The following DNAH1 variants were observed in gnomAD, a reference collection of about 807,000 sequenced individuals.
DNAH1 encodes the protein axonemal beta dynein heavy chain 1.
A neutral mutation model predicts 484.3 loss-of-function variants in DNAH1; 327 were observed. The observed-to-expected ratio is 0.68, with a 90% confidence interval of 0.62 to 0.74. The LOEUF is 0.74. DNAH1 is among the 30% of genes least tolerant of loss of function. The pLI is 0.00. For synonymous variants in DNAH1, 2,192 were observed against 2,191.9 expected (o/e 1.00, Z 0.00); for missense variants, 5,052 against 5,546.8 (o/e 0.91, Z 2.83).
At chr3:52,359,445 C>T in intron 26 of DNAH1, 59 bp downstream of exon 26, 1 of 1,539,706 alleles carries the variant, frequency 6.5e-7, no homozygotes, top group South Asian at 1.2e-5. Context: ...CACAGGAGGG[C>T]CCAGTCCCTC....
At chr3:52,350,714 T>G (rs1324698512) in intron 16 of DNAH1, 124 bp downstream of exon 16, 5 of 937,026 alleles carry the variant, frequency 5.3e-6, no homozygotes, top group Non-Finnish European at 8.3e-6. Flanking sequence ...AACACCCCAC[T>G]GAGATTTCAG....
chr3:52,396,528 C>T lies in DNAH1; in HGVS notation c.11420C>T (p.Ser3807Phe). 6.2e-7 allele frequency: 1 copy of T among 1,612,482 alleles called. No individual in the cohort carries two copies. Among genetic ancestry groups the T allele is most frequent in the Non-Finnish European group, 8.5e-7 (1 of 1,179,266 alleles). Reference sequence around the variant, plus strand: ...AGCCTTGGTGAAGACTTCCTCAACTCCTGCCACAAGGTGAGGCACACTTGG... The same window carrying T: ...AGCCTTGGTGAAGACTTCCTCAACTTCTGCCACAAGGTGAGGCACACTTGG... ...YSSLGEDFLN[S>F]CHKVMEFKSL... The change falls in exon 71 of 78, where the codon TCC becomes TTC. Residue 3807 changes from serine to phenylalanine, a missense_variant. Ser to Phe is a radical substitution (Grantham distance 155). Around this residue, in one of 4 missense-constraint regions of DNAH1, gnomAD observed 853 missense variants for 899.0 expected, o/e 0.95. Transcript: ENST00000420323.
chr3:52,344,881 G>C (rs530584507), intron 9 of DNAH1, among the ~76,000 whole-genome samples: 6 of 152,376 alleles, frequency 3.9e-5, no homozygotes, highest in Middle Eastern at 3.4e-3. Context: ...TAGCACAGAA[G>C]TTGCAAGGTG....
chr3:52,324,020 C>T, intron 3 of DNAH1, 140 bp downstream of exon 3: 1 of 647,446 alleles, frequency 1.5e-6, no homozygotes, highest in Non-Finnish European at 2.7e-6. Context: ...AAACAGGGTG[C>T]TTCACAATTA....
In DNAH1 at chr3:52,379,537, G is replaced by A. The variant is rs1342841827; in HGVS notation, c.7378-368G>A. Reference sequence around the variant, plus strand: ...TGGGTGGTTAGATGTGGGGTGTTGGGAAAGTGTTAGGAGCATCAAGCATCC... The same window carrying A: ...TGGGTGGTTAGATGTGGGGTGTTGGAAAAGTGTTAGGAGCATCAAGCATCC... On this transcript the variant is annotated intron_variant, in intron 47 of 77. Transcript: ENST00000420323. This position sits in a 1 kb window ranked among gnomAD's most constrained non-coding sequence, Gnocchi z 4.4. 6.6e-6 allele frequency among the ~76,000 whole-genome samples: 1 copy of A among 152,136 alleles called. No individual in the cohort carries two copies. Among genetic ancestry groups the A allele is most frequent in the Non-Finnish European group, 1.5e-5 (1 of 68,026 alleles).
chr3:52,361,536 C>A lies in DNAH1; in HGVS notation c.4875-125C>A. 7.9e-7 allele frequency: 1 copy of A among 1,264,962 alleles called. No individual in the cohort carries two copies. Among genetic ancestry groups the A allele is most frequent in the Non-Finnish European group, 1.1e-6 (1 of 907,850 alleles). 78.4% of individuals were successfully genotyped at this position (1,264,962 alleles called of 1,614,324 possible). On this transcript the variant is annotated intron_variant, in intron 29 of 77. Transcript: ENST00000420323. This position sits in a 1 kb window ranked among gnomAD's most constrained non-coding sequence, Gnocchi z 5.6. The stretch of plus-strand genomic sequence containing the variant: ...GTGGGGAGTGGCAGTGGGTTGAAGA[C>A]TGAGCTGATGGAGATTGCCCCTGAG...
chr3:52,383,814 C>T (rs925064809), intron 51 of DNAH1, 46 bp from the exon 52 acceptor site: 7 of 1,535,528 alleles, frequency 4.6e-6, no homozygotes, highest in African/African-American at 4.1e-5. Flanking sequence ...CTCCTGGGGT[C>T]GTTGGTCAGT....
chr3:52,322,474 T>G lies in DNAH1; in HGVS notation c.32T>G (p.Leu11Arg). Residue 11 changes from leucine to arginine, a missense_variant, in exon 2 of 78, where the codon CTG (leucine) becomes CGG (arginine). Physicochemically the swap from Leu to Arg is moderately radical, Grantham distance 102. Around this residue, in one of 4 missense-constraint regions of DNAH1, gnomAD observed 1,263 missense variants for 1,218.8 expected, o/e 1.04. Transcript: ENST00000420323. ...CAGCCTAACAGTAAAGGCTATAGCC[T>G]GGGAAGGACCCCTCAGGGCCCAGAG... is the stretch of plus-strand genomic sequence containing the variant. Reference protein sequence around the residue: MEQPNSKGYSLGRTPQGPECS... With the variant: MEQPNSKGYSRGRTPQGPECS... 1 of 1,612,934 alleles carries G rather than the reference T, an allele frequency of 6.2e-7. No individual in the cohort carries two copies. Among genetic ancestry groups the G allele is most frequent in the Non-Finnish European group, 8.5e-7 (1 of 1,179,570 alleles).
At chr3:52,348,080 G>T in intron 12 of DNAH1, 106 bp downstream of exon 12, 1 of 1,216,340 alleles carries the variant, frequency 8.2e-7, no homozygotes, top group Non-Finnish European at 1.1e-6. Flanking sequence ...CAGGCCTCCT[G>T]TCGGGCAGGC....
At chr3:52,384,092 C>T (rs1703989564) in intron 52 of DNAH1, 61 bp downstream of exon 52, 1 of 1,456,854 alleles carries the variant, frequency 6.9e-7, no homozygotes, top group Non-Finnish European at 9.1e-7. Context: ...GGCATGGGCT[C>T]AGGGTCACCA....
At chr3:52,359,847 C>A (rs1002537707) in intron 26 of DNAH1, 69 bp from the exon 27 acceptor site, 1 of 1,589,374 alleles carries the variant, frequency 6.3e-7, no homozygotes, top group East Asian at 2.2e-5. Context: ...GAAGCCCACC[C>A]TCTGTGAAAG....
At chr3:52,399,862 G>A (rs1704828510) in intron 77 of DNAH1, 83 bp downstream of exon 77, 1 of 1,399,092 alleles carries the variant, frequency 7.1e-7, no homozygotes, top group Non-Finnish European at 9.9e-7. Context: ...CACTTATCCA[G>A]GTTAGCTGAA....
chr3:52,376,407 TC>T (rs1276928958), intron 46 of DNAH1, among the ~76,000 whole-genome samples: 2 of 152,188 alleles, frequency 1.3e-5, no homozygotes, highest in Admixed American at 6.5e-5. Context: ...ACCACTGCAG[TC>T]CCTGTCCTTG....
chr3:52,393,205 C>A, intron 65 of DNAH1, 129 bp from the exon 66 acceptor site: 1 of 1,490,878 alleles, frequency 6.7e-7, no homozygotes, highest in Non-Finnish European at 9.2e-7. Flanking sequence ...TCACTGGGAA[C>A]ACCAAGTGCC....
chr3:52,368,318 C>T lies in DNAH1; in HGVS notation c.5766-423C>T, dbSNP rs1377482987. Among the ~76,000 whole-genome samples the T allele has an allele frequency of 1.3e-5, 2 of 152,162 alleles. No individual in the cohort carries two copies. Among genetic ancestry groups the T allele is most frequent in the Non-Finnish European group, 2.9e-5 (2 of 68,028 alleles). ...AGCACAGCATCTTCATCAGCCCTAC[C>T]AGCCCCTTCCCTGGTGCGTGCTGCC... On this transcript the variant is annotated intron_variant, in intron 36 of 77. Transcript: ENST00000420323. This position sits in a 1 kb window ranked among gnomAD's most constrained non-coding sequence, Gnocchi z 4.4.
At chr3:52,389,075 C>A in intron 59 of DNAH1, 138 bp downstream of exon 59, 1 of 1,145,670 alleles carries the variant, frequency 8.7e-7, no homozygotes, top group Non-Finnish European at 1.2e-6. Context: ...ACTTAGCAGG[C>A]TCCCTCTCTG....
At chr3:52,338,662 A>G (rs1327897794) in intron 8 of DNAH1, among the ~76,000 whole-genome samples, 1 of 152,182 alleles carries the variant, frequency 6.6e-6, no homozygotes, top group Non-Finnish European at 1.5e-5. Context: ...TTCTTAGTTC[A>G]CAACTTTTAT....
chr3:52,341,691 C>G (rs1050419893), intron 8 of DNAH1, among the ~76,000 whole-genome samples: 1 of 152,148 alleles, frequency 6.6e-6, no homozygotes, highest in African/African-American at 2.4e-5. Flanking sequence ...AAACCAACTG[C>G]AGTTGGGGCA....
At chr3:52,398,277 C>CAGCT in intron 75 of DNAH1, 115 bp downstream of exon 75, 1 of 1,331,102 alleles carries the variant, frequency 7.5e-7, no homozygotes, top group Admixed American at 2.9e-5. Flanking sequence ...TCCTCTAACT[C>CAGCT]AGCTATTTTT....
Sources: allele counts gnomAD v4.1 joint callset (sites outside exome capture counted in the v4.1 genomes callset), GRCh38; gene constraint gnomAD v4.1.1; regional missense constraint gnomAD v4.1.1; non-coding constraint Gnocchi (gnomAD v3.1); transcripts MANE v1.5; gene names NCBI Gene and HGNC (gene_info 2026-07-23, HGNC 2026-07-21).